Variants in GIGYF2 observed in about 807,000 individuals in gnomAD.
GIGYF2 encodes GRB10-interacting GYF protein 2.
GIGYF2 carries 25 observed loss-of-function variants against 208.1 expected under a neutral mutation model. The observed-to-expected ratio is 0.12, with a 90% CI of 0.09 to 0.17. The LOEUF is 0.17. GIGYF2 is among the 10% of genes least tolerant of loss of function. The pLI is 1.00. For synonymous variants in GIGYF2, 534 were observed against 543.8 expected (o/e 0.98, Z 0.25); for missense variants, 1,302 against 1,579.4 (o/e 0.82, Z 2.98).
intron 14 of GIGYF2, among the ~76,000 whole-genome samples, chr2:232,805,044 T>A (rs145813250): frequency 2.4e-4 from 36 of 152,264 alleles, no homozygotes; most frequent in African/African-American, 8.7e-4. Context: ...TTAGTGGTGA[T>A]CTGTGAGATT....
At chr2:232,850,729 A>G (rs958681941) in intron 28 of GIGYF2, among the ~76,000 whole-genome samples, 1 of 152,224 alleles carries the variant, frequency 6.6e-6, no homozygotes, top group Non-Finnish European at 1.5e-5. Flanking sequence ...CTAATAATGA[A>G]CGATACTAAA....
At position 232,847,389 on chromosome 2, in the gene GIGYF2, T is replaced by A. The variant is rs968813289; in HGVS notation, c.3502T>A (p.Tyr1168Asn). 1 of 1,612,460 alleles carries A rather than the reference T, an allele frequency of 6.2e-7. No homozygotes were observed. The highest frequency in any genetic ancestry group is 1.3e-5 in the African/African-American group (1 of 74,990). The change falls in exon 27 of 29, where the codon TAT becomes AAT. Residue 1168 changes from tyrosine to asparagine, a missense_variant. Physicochemically the swap from Tyr to Asn is moderately radical, Grantham distance 143 (BLOSUM62 -2). This residue lies in a region of GIGYF2 where 701 missense variants were observed against 793.0 expected (regional missense o/e 0.88). Transcript: ENST00000373563. Reference protein sequence around the residue: ...VSFLKEVESPYEVHDYIRAYL... With the variant: ...VSFLKEVESPNEVHDYIRAYL... Reference sequence around the variant, plus strand: ...TTTCCTGAAAGAAGTAGAATCTCCTTATGAGGTCCATGATTATATCAGGGC... The same window carrying A: ...TTTCCTGAAAGAAGTAGAATCTCCTAATGAGGTCCATGATTATATCAGGGC...
At chr2:232,829,008 CTTAA>C (rs1347948197) in intron 21 of GIGYF2, among the ~76,000 whole-genome samples, 1 of 151,916 alleles carries the variant, frequency 6.6e-6, no homozygotes, top group East Asian at 1.9e-4. Flanking sequence ...ATTTTATATC[CTTAA>C]TTAATTTTTA....
intron 9 of GIGYF2, among the ~76,000 whole-genome samples, chr2:232,789,798 G>T (rs1700017096): frequency 6.6e-6 from 1 of 151,862 alleles, no homozygotes; most frequent in South Asian, 2.1e-4. Flanking sequence ...GACTCTTTTA[G>T]ACTCAGGTCT....
rs769801442 is a variant in GIGYF2, at chr2:232,844,556, A to C, written c.3287A>C (p.Lys1096Thr). Residue 1096 changes from lysine to threonine, a missense_variant, in exon 25 of 29, where the codon AAA (lysine) becomes ACA (threonine). Physicochemically the swap from Lys to Thr is moderately conservative, Grantham distance 78. Transcript: ENST00000373563. ...VGPRNSTNKN[K>T]NNASLSKSVG... ...CCTAGGAATTCAACAAATAAAAATA[A>C]AAACAACGCCAGTCTCAGGTAGGGC... 1.2e-6 allele frequency: 2 copies of C among 1,612,844 alleles called. No individual in the cohort carries two copies. The highest frequency in any genetic ancestry group is 1.7e-6 in the Non-Finnish European group (2 of 1,179,026).
intron 18 of GIGYF2, among the ~76,000 whole-genome samples, chr2:232,812,854 A>G (rs2106386757): frequency 6.6e-6 from 1 of 152,302 alleles, no homozygotes; most frequent in Admixed American, 6.5e-5. Context: ...AATTAATACA[A>G]GCTAGGCATG....
chr2:232,830,824 A>G (rs1701405810), intron 21 of GIGYF2, among the ~76,000 whole-genome samples: 1 of 152,214 alleles, frequency 6.6e-6, no homozygotes, highest in Non-Finnish European at 1.5e-5. Context: ...CTACAAAAAA[A>G]AAATAATGAT....
intron 14 of GIGYF2, among the ~76,000 whole-genome samples, chr2:232,805,648 A>G (rs1399797246): frequency 6.6e-6 from 1 of 152,120 alleles, no homozygotes; most frequent in Non-Finnish European, 1.5e-5. Flanking sequence ...CAAATCTGTG[A>G]TATATGCGAT....
chr2:232,824,460 G>A (rs1255765290), intron 21 of GIGYF2, among the ~76,000 whole-genome samples: 1 of 152,216 alleles, frequency 6.6e-6, no homozygotes, highest in African/African-American at 2.4e-5. Flanking sequence ...CTGGATAGAA[G>A]ATCAGACCAG....
At chr2:232,745,984 A>G (rs1271755060) in intron 3 of GIGYF2, among the ~76,000 whole-genome samples, 1 of 152,176 alleles carries the variant, frequency 6.6e-6, no homozygotes, top group Non-Finnish European at 1.5e-5. Flanking sequence ...TGGGTCAGGC[A>G]TGGTGGCTCA....
At chr2:232,725,611 A>C (rs896645352) in intron 2 of GIGYF2, among the ~76,000 whole-genome samples, 1 of 152,212 alleles carries the variant, frequency 6.6e-6, no homozygotes, top group African/African-American at 2.4e-5. Context: ...ATGCTAGCAA[A>C]TATTATAATT....
chr2:232,735,836 C>G (rs538060154), intron 3 of GIGYF2: 2 of 985,356 alleles, frequency 2.0e-6, no homozygotes, highest in Non-Finnish European at 2.4e-6. Flanking sequence ...GCTTCCCCCC[C>G]TCCCCTCCTT....
At chr2:232,709,074 G>A (rs891857682) in intron 2 of GIGYF2, among the ~76,000 whole-genome samples, 1 of 151,408 alleles carries the variant, frequency 6.6e-6, no homozygotes, top group African/African-American at 2.4e-5. Flanking sequence ...GTGAGCTGAG[G>A]TTGCACCACT....
At chr2:232,781,412 G>A (rs1699720852) in intron 8 of GIGYF2, among the ~76,000 whole-genome samples, 1 of 125,566 alleles carries the variant, frequency 8.0e-6, no homozygotes, top group South Asian at 2.6e-4. Context: ...TGGTTAGAAG[G>A]GATTTATTTT....
At chr2:232,723,625 T>G (rs983351322) in intron 2 of GIGYF2, among the ~76,000 whole-genome samples, 2 of 151,758 alleles carry the variant, frequency 1.3e-5, no homozygotes, top group South Asian at 4.2e-4. Context: ...AGACGGGGGT[T>G]TCAACATATT....
intron 8 of GIGYF2, among the ~76,000 whole-genome samples, chr2:232,783,750 G>A (rs995793710): frequency 4.6e-5 from 7 of 152,070 alleles, no homozygotes; most frequent in East Asian, 1.9e-4. Context: ...GCAATGGTGC[G>A]ATCTTGGCTC....
intron 18 of GIGYF2, 108 bp downstream of exon 18, chr2:232,812,599 A>G: frequency 1.5e-6 from 1 of 665,756 alleles, no homozygotes; most frequent in Non-Finnish European, 2.7e-6. Flanking sequence ...TCCATTTTGT[A>G]TTTGATATTA....
Position 232,806,400 on chromosome 2 carries a change from C to T in GIGYF2, c.1640-91C>T. 1.1e-6 allele frequency: 1 copy of T among 909,492 alleles called. No individual in the cohort carries two copies. The highest frequency in any genetic ancestry group is 1.6e-5 in the African/African-American group (1 of 61,436). 56.3% of individuals were successfully genotyped at this position (909,492 alleles called of 1,614,324 possible). On this transcript the variant is annotated intron_variant, in intron 14 of 28. Transcript: ENST00000373563. This position sits in a 1 kb window ranked among gnomAD's most constrained non-coding sequence, Gnocchi z 4.0. ...TATAAAACATTTTGACAGATGCCACCTCGATGAGAATCAGATGCAGGAAAT... is the reference window on the plus strand; with the variant it reads ...TATAAAACATTTTGACAGATGCCACTTCGATGAGAATCAGATGCAGGAAAT...
intron 2 of GIGYF2, among the ~76,000 whole-genome samples, chr2:232,733,257 C>CAA (rs397868481): frequency 7.7e-5 from 7 of 91,180 alleles, no homozygotes; most frequent in Admixed American, 1.1e-4. Context: ...ACTCTTGTCT[C>CAA]AAAAAAAAAA....
Sources: gnomAD v4.1 joint callset for allele counts (sites outside exome capture counted in the v4.1 genomes callset) on GRCh38, gnomAD v4.1.1 for gene constraint, gnomAD v4.1.1 regional missense constraint, Gnocchi (gnomAD v3.1) non-coding constraint, MANE v1.5 for transcripts, NCBI Gene and HGNC (gene_info 2026-07-23, HGNC 2026-07-21) for gene names.